The following REDIC1 variants were observed in gnomAD, a reference collection of about 807,000 sequenced individuals.
The protein encoded by REDIC1 is regulator of DNA class I crossover intermediates 1.
the REDIC1 span, among the ~76,000 whole-genome samples, chr12:39,898,734 T>G: frequency 6.6e-6 from 1 of 152,144 alleles, no homozygotes; most frequent in Non-Finnish European, 1.5e-5. Context: ...CATGTGTTCA[T>G]GGAATGGAAC....
At chr12:39,668,383 T>C in the REDIC1 span, among the ~76,000 whole-genome samples, 11 of 152,228 alleles carry the variant, frequency 7.2e-5, no homozygotes, top group African/African-American at 2.7e-4. Context: ...TTAAGAATGT[T>C]GAATATTGGC....
the REDIC1 span, chr12:39,754,429 G>GTAAC: frequency 6.6e-6 from 1 of 152,084 alleles, no homozygotes; most frequent in East Asian, 1.9e-4. Context: ...TTAGTTAGAT[G>GTAAC]TAACTCAACT....
At chr12:39,825,490 A>G in the REDIC1 span, among the ~76,000 whole-genome samples, 1 of 152,150 alleles carries the variant, frequency 6.6e-6, no homozygotes, top group African/African-American at 2.4e-5. Context: ...TCTAAGCGAC[A>G]CTATTCTCAT....
At chr12:39,749,296 A>G in the REDIC1 span, among the ~76,000 whole-genome samples, 2 of 152,236 alleles carry the variant, frequency 1.3e-5, no homozygotes. Context: ...AAACACCTCT[A>G]CACAAATAAA....
At chr12:39,761,861 G>A in the REDIC1 span, among the ~76,000 whole-genome samples, 3 of 151,996 alleles carry the variant, frequency 2.0e-5, no homozygotes, top group Non-Finnish European at 4.4e-5. Context: ...AAATATAATA[G>A]TATATTTTAT....
chr12:39,651,649 T>A, the REDIC1 span, among the ~76,000 whole-genome samples: 4 of 152,198 alleles, frequency 2.6e-5, no homozygotes, highest in African/African-American at 7.2e-5. Context: ...TCCATCCCAG[T>A]CTATGACATC....
At chr12:39,679,233 G>A in the REDIC1 span, among the ~76,000 whole-genome samples, 2 of 152,094 alleles carry the variant, frequency 1.3e-5, no homozygotes, top group East Asian at 3.8e-4. Context: ...GTTCACCAAT[G>A]ACATAATAGT....
chr12:39,808,368 A>G, the REDIC1 span, among the ~76,000 whole-genome samples: 2 of 152,142 alleles, frequency 1.3e-5, no homozygotes, highest in African/African-American at 4.8e-5. Flanking sequence ...ACATCTACGT[A>G]ATTTCCAATT....
the REDIC1 span, among the ~76,000 whole-genome samples, chr12:39,713,251 CACAT>C: frequency 7.9e-5 from 8 of 101,840 alleles, no homozygotes; most frequent in African/African-American, 2.7e-4. Flanking sequence ...TGTGTACACA[CACAT>C]ACGTGTATAT....
At chr12:39,829,392 CTTTTTTTT>C in the REDIC1 span, 5 of 65,796 alleles carry the variant, frequency 7.6e-5, no homozygotes, top group Non-Finnish European at 5.1e-5. Flanking sequence ...GATAGTAATT[CTTTTTTTT>C]TTTTTTTTTT....
chr12:39,734,733 T>C, the REDIC1 span, among the ~76,000 whole-genome samples: 146 of 152,238 alleles, frequency 9.6e-4, 3 homozygotes, highest in Non-Finnish European at 2.1e-4. Flanking sequence ...TTGATCTATA[T>C]ATCTCTTCTT....
At chr12:39,777,364 A>C in the REDIC1 span, among the ~76,000 whole-genome samples, 99 of 152,290 alleles carry the variant, frequency 6.5e-4, 1 homozygote, top group African/African-American at 2.2e-3. Context: ...GATGAAGGTC[A>C]TCAAATTAAA....
chr12:39,679,070 T>C, the REDIC1 span, among the ~76,000 whole-genome samples: 1 of 152,120 alleles, frequency 6.6e-6, no homozygotes, highest in African/African-American at 2.4e-5. Flanking sequence ...ACCACTTCTA[T>C]TCAACATAGT....
chr12:39,764,320 G>T, the REDIC1 span: 4 of 708,518 alleles, frequency 5.6e-6, no homozygotes, highest in Non-Finnish European at 8.7e-6. Flanking sequence ...CGATGCCTTT[G>T]GAGGACAAGA....
the REDIC1 span, among the ~76,000 whole-genome samples, chr12:39,712,908 C>T: frequency 7.1e-6 from 1 of 141,426 alleles, no homozygotes; most frequent in Non-Finnish European, 1.5e-5. Flanking sequence ...CGTGTATATA[C>T]GTATATACAT....
chr12:39,830,584 C>T, the REDIC1 span: 1 of 630,496 alleles, frequency 1.6e-6, no homozygotes, highest in Non-Finnish European at 2.0e-6. Context: ...TGTGATCCAG[C>T]CCTGACTGGT....
chr12:39,703,641 A>G, the REDIC1 span, among the ~76,000 whole-genome samples: 1 of 152,214 alleles, frequency 6.6e-6, no homozygotes, highest in Non-Finnish European at 1.5e-5. Flanking sequence ...AAGCCAAAAG[A>G]ACAAAGCTGG....
At chr12:39,845,474 T>G in the REDIC1 span, among the ~76,000 whole-genome samples, 5 of 152,262 alleles carry the variant, frequency 3.3e-5, no homozygotes, top group East Asian at 9.7e-4. Flanking sequence ...ACATTTTAAC[T>G]TACAGTGCTT....
At chr12:39,656,822 T>A in the REDIC1 span, among the ~76,000 whole-genome samples, 11 of 152,154 alleles carry the variant, frequency 7.2e-5, no homozygotes, top group Admixed American at 1.3e-4. Context: ...GGAAAACATT[T>A]AAAAAAATTT....
Sources: gnomAD v4.1 joint callset for allele counts (sites outside exome capture counted in the v4.1 genomes callset) on GRCh38, gnomAD v4.1.1 for gene constraint, MANE v1.5 for transcripts, NCBI Gene and HGNC (gene_info 2026-07-23, HGNC 2026-07-21) for gene names.